Variants in GRAMD4 observed in about 807,000 individuals in gnomAD.
The protein encoded by GRAMD4 is GRAM domain containing 4.
Under a neutral mutation model 83.9 loss-of-function variants are expected in GRAMD4, and 25 were observed. The ratio of observed to expected loss-of-function variants is 0.30; its 90% CI spans 0.22 to 0.42. The LOEUF is 0.42. Among genes scored for constraint, GRAMD4 ranks in the 10% least tolerant of loss-of-function variants. The pLI is 1.00. For synonymous variants in GRAMD4, 336 were observed against 320.9 expected, an observed-to-expected ratio of 1.05 and a Z score of -0.50; for missense variants, 593 against 788.7, an observed-to-expected ratio of 0.75 and a Z score of 2.97.
chr22:46,584,783 C>G (rs1238623285), intron 1 of GRAMD4, among the ~76,000 whole-genome samples: 1 of 152,366 alleles, frequency 6.6e-6, no homozygotes, highest in Admixed American at 6.5e-5. Flanking sequence ...TGTGCTTAGT[C>G]AGCCCGGCCC....
chr22:46,608,330 T>C (rs557038038), intron 1 of GRAMD4, among the ~76,000 whole-genome samples: 1 of 152,336 alleles, frequency 6.6e-6, no homozygotes, highest in Admixed American at 6.5e-5. Flanking sequence ...TGGCAGGTGG[T>C]TACCTGGGCA....
chr22:46,587,332 A>G (rs781636808), intron 1 of GRAMD4, among the ~76,000 whole-genome samples: 1 of 152,038 alleles, frequency 6.6e-6, no homozygotes, highest in Non-Finnish European at 1.5e-5. Flanking sequence ...TCCACCCAAG[A>G]AGTGAAACTG....
rs2082627543 is a variant in GRAMD4 at position 46,678,256 on chromosome 22, G to A, written c.*1005G>A. The A allele has an allele frequency of 1.6e-5, 16 of 985,436 alleles. No individual in the cohort carries two copies. In the South Asian group the frequency reaches 2.3e-4, roughly 14 times the overall value. The allele number at this position is 985,436 out of a possible 1,614,324, so 61.0% of individuals were successfully genotyped here. On this transcript the variant is annotated 3_prime_UTR_variant, in exon 19 of 19. Coordinates refer to ENST00000406902, the MANE Select transcript of GRAMD4 (RefSeq NM_015124.5). ...GGCTGCAGCCGCCTTTGGGCCATCC[G>A]AGAGGCTCTGGCAGCCCCTGTGCTT...
In GRAMD4 at chr22:46,674,789, G is replaced by T. The variant is rs767035040; in HGVS notation, c.1478+39G>T. ...TGGGGCCCTGTGTGGCTGCAGGGGAGGGGGCGCAGGAGGCTGCCTAGGCCC... is the reference window on the plus strand; with the variant it reads ...TGGGGCCCTGTGTGGCTGCAGGGGATGGGGCGCAGGAGGCTGCCTAGGCCC... On this transcript the variant is annotated intron_variant, in intron 16 of 18. Coordinates refer to ENST00000406902, the MANE Select transcript of GRAMD4 (RefSeq NM_015124.5). 8.4e-6 allele frequency: 12 copies of T among 1,429,050 alleles called. No individual in the cohort carries two copies. The African/African-American group carries it at 8.4e-5, about 10-fold the overall frequency. The allele number at this position is 1,429,050 out of a possible 1,614,324, so 88.5% of individuals were successfully genotyped here.
chr22:46,607,167 G>A (rs745581194), intron 1 of GRAMD4, among the ~76,000 whole-genome samples: 4 of 150,324 alleles, frequency 2.7e-5, no homozygotes, highest in Non-Finnish European at 5.9e-5. Flanking sequence ...TGGTTGTGAT[G>A]TCCTTTCCTG....
intron 3 of GRAMD4, among the ~76,000 whole-genome samples, chr22:46,644,016 G>A (rs1187564872): frequency 6.6e-6 from 1 of 151,986 alleles, no homozygotes; most frequent in African/African-American, 2.4e-5. Flanking sequence ...ATTTTACACT[G>A]TATTCTTCCA....
At chr22:46,648,915 GATGGATGGATGGATGGATGC>G (rs2082122553) in intron 3 of GRAMD4, among the ~76,000 whole-genome samples, 2 of 100,042 alleles carry the variant, frequency 2.0e-5, no homozygotes, top group African/African-American at 6.7e-5. Flanking sequence ...TGGATGGATG[GATGGATGGATGGATGGATGC>G]ATGGATGGAT....
At chr22:46,641,222 A>G (rs1245313158) in intron 3 of GRAMD4, among the ~76,000 whole-genome samples, 2 of 151,946 alleles carry the variant, frequency 1.3e-5, no homozygotes, top group Non-Finnish European at 1.5e-5. Flanking sequence ...ACAGGCACGC[A>G]CCTCCATGCC....
chr22:46,668,967 C>T (rs2082457139), intron 13 of GRAMD4, 59 bp downstream of exon 13: 1 of 920,802 alleles, frequency 1.1e-6, no homozygotes, highest in Non-Finnish European at 1.8e-6. Flanking sequence ...TGTCCGCATG[C>T]CACCAGTGTC....
intron 2 of GRAMD4, among the ~76,000 whole-genome samples, chr22:46,630,491 G>A (rs560785075): frequency 1.3e-5 from 2 of 152,194 alleles, no homozygotes; most frequent in Non-Finnish European, 2.9e-5. Context: ...AGGATCTACC[G>A]CATTCTCATG....
intron 1 of GRAMD4, among the ~76,000 whole-genome samples, chr22:46,602,758 T>TTC (rs1257502025): frequency 6.1e-5 from 5 of 82,052 alleles, no homozygotes; most frequent in Non-Finnish European, 1.3e-4. Flanking sequence ...TTGTCCATTT[T>TTC]TCTCTTTTTT....
Position 46,622,030 on chromosome 22 carries a change from C to T in GRAMD4, c.-50+1465C>T, listed in dbSNP as rs551832232. 6.6e-6 allele frequency among the ~76,000 whole-genome samples: 1 copy of T among 152,170 alleles called. No individual in the cohort carries two copies. Among genetic ancestry groups the T allele is most frequent in the Non-Finnish European group, 1.5e-5 (1 of 68,022 alleles). On this transcript the variant is annotated intron_variant, in intron 1 of 18. Coordinates refer to ENST00000406902, the MANE Select transcript of GRAMD4 (RefSeq NM_015124.5). The surrounding 1 kb of genome is among the most constrained non-coding windows in gnomAD (Gnocchi z 4.0). Reference sequence around the variant, plus strand: ...CAGCAGGATGACCCTGGGTTTGGGGCTGAGCCGGTGGCTGGGAGAGCAGAC... The same window carrying T: ...CAGCAGGATGACCCTGGGTTTGGGGTTGAGCCGGTGGCTGGGAGAGCAGAC...
rs114971062 is a variant in GRAMD4 at position 46,582,797 on chromosome 22, G to A, written c.-50+5507G>A. Among the ~76,000 whole-genome samples, 556 of 152,272 alleles carry A rather than the reference G, an allele frequency of 3.7e-3. 3 individuals are homozygous for A. Among genetic ancestry groups the A allele is most frequent in the African/African-American group, 0.013 (536 of 41,566 alleles). ...CACTCATTGAAAGTGCACAGTTCACGGACTTCTAGTACATTCACCAAGTTG... is the reference window on the plus strand; with the variant it reads ...CACTCATTGAAAGTGCACAGTTCACAGACTTCTAGTACATTCACCAAGTTG... On this transcript the variant is annotated intron_variant, in intron 1 of 1. Transcript: ENST00000431155.
At chr22:46,629,502 C>T (rs190272653) in intron 2 of GRAMD4, among the ~76,000 whole-genome samples, 87 of 152,244 alleles carry the variant, frequency 5.7e-4, no homozygotes, top group Middle Eastern at 3.4e-3. Flanking sequence ...ACGAGGCCCC[C>T]GGGGTGGGGG....
rs548139273 is a variant in GRAMD4 at position 46,671,446 on chromosome 22, C to T, written c.1085-1397C>T. ...CTGAGATCGCGCCACTGCACTCCAG[C>T]CTGGGCGACAGAGCAAGACTCTGTC... On this transcript the variant is annotated intron_variant, in intron 13 of 18. Coordinates refer to ENST00000406902, the MANE Select transcript of GRAMD4 (RefSeq NM_015124.5). Among the ~76,000 whole-genome samples the T allele has an allele frequency of 2.6e-5, 4 of 152,118 alleles. No individual in the cohort carries two copies. The South Asian group carries it at 8.3e-4, about 32-fold the overall frequency.
intron 3 of GRAMD4, 43 bp from the exon 4 acceptor site, chr22:46,658,144 G>T (rs570956595): frequency 9.9e-6 from 16 of 1,612,044 alleles, no homozygotes; most frequent in Admixed American, 3.3e-5. Context: ...TCGGGGTCGC[G>T]TGGACATGAG....
intron 3 of GRAMD4, among the ~76,000 whole-genome samples, chr22:46,643,120 C>T (rs2082002009): frequency 7.0e-4 from 66 of 94,384 alleles, no homozygotes; most frequent in East Asian, 3.6e-3. Context: ...TCCATCCATC[C>T]ATGCATCCAT....
chr22:46,680,543 T>TGTCCGTCCGTCCGTCCGTCC (rs531762294), downstream of GRAMD4, among the ~76,000 whole-genome samples: 352 of 70,558 alleles, frequency 5.0e-3, 14 homozygotes, highest in African/African-American at 0.016. Context: ...CATCCACATC[T>TGTCCGTCCGTCCGTCCGTCC]GTCCGTCCGT....
chr22:46,633,645 C>G (rs1010435932), intron 2 of GRAMD4, among the ~76,000 whole-genome samples: 1 of 152,248 alleles, frequency 6.6e-6, no homozygotes, highest in African/African-American at 2.4e-5. Context: ...GCCAAGGCCA[C>G]TGGCTTCCTG....
Sources: allele counts gnomAD v4.1 joint callset (sites outside exome capture counted in the v4.1 genomes callset), GRCh38; gene constraint gnomAD v4.1.1; non-coding constraint Gnocchi (gnomAD v3.1); transcripts MANE v1.5; gene names NCBI Gene and HGNC (gene_info 2026-07-23, HGNC 2026-07-21).